The following TDRD12 variants were observed in gnomAD, a reference collection of about 807,000 sequenced individuals.
The protein encoded by TDRD12 is putative ATP-dependent RNA helicase TDRD12.
TDRD12 carries 158 observed loss-of-function variants against 133.5 expected under a neutral mutation model. That is an observed-to-expected ratio of 1.18 (90% CI 1.04 to 1.35). The LOEUF (loss-of-function observed/expected upper bound fraction) is 1.35, where lower values mean the gene tolerates loss of function less well. Among genes scored for constraint, TDRD12 ranks in the 40% most tolerant of loss-of-function variants. TDRD12 has a pLI of 0.00. For synonymous variants in TDRD12, 460 were observed against 477.9 expected, an observed-to-expected ratio of 0.96 and a Z score of 0.49; for missense variants, 1,443 against 1,321.3, an observed-to-expected ratio of 1.09 and a Z score of -1.43.
At position 32,807,267 on chromosome 19, in the gene TDRD12, TAAA is replaced by T. The variant is rs59421213; in HGVS notation, c.2553-255_2553-253del. Among the ~76,000 whole-genome samples the T allele has an allele frequency of 2.5e-4, 12 of 47,202 alleles. No homozygotes were observed. In the South Asian group the frequency reaches 0.012, roughly 48 times the overall value. The allele number at this position is 47,202 out of a possible 152,430, so 31.0% of individuals were successfully genotyped here. ...GGGCAACAGAGTGAGACCAAACTCT[TAAA>T]AAAAAAAAAAAAAAAAAAAAAAAAA... On this transcript the variant is annotated intron_variant, in intron 21 of 27. Transcript: ENST00000444215.
chr19:32,804,130 T>G (rs1210207163), intron 21 of TDRD12, among the ~76,000 whole-genome samples: 1 of 151,942 alleles, frequency 6.6e-6, no homozygotes, highest in Non-Finnish European at 1.5e-5. Context: ...TGGAGTGCAG[T>G]GGCGCCATCT....
chr19:32,771,485 C>T (rs922449097), intron 8 of TDRD12, among the ~76,000 whole-genome samples: 3 of 151,978 alleles, frequency 2.0e-5, no homozygotes, highest in Non-Finnish European at 2.9e-5. Context: ...ACTATTACTT[C>T]TTTTATTTCT....
intron 21 of TDRD12, among the ~76,000 whole-genome samples, chr19:32,806,356 T>TTTTA (rs1555776564): frequency 1.1e-4 from 16 of 151,096 alleles, no homozygotes; most frequent in South Asian, 4.2e-4. Context: ...TTTTTTTTTT[T>TTTTA]AAGACAGTCT....
Position 32,757,846 on chromosome 19 carries a change from C to A in TDRD12, c.865+716C>A, listed in dbSNP as rs373017079. ...TGTGGGTGTAATATTTCATGTGTAT[C>A]CATAGTAAACCACAACTACATTAAA... On this transcript the variant is annotated intron_variant, in intron 8 of 27. Coordinates refer to ENST00000444215, the Ensembl canonical transcript of TDRD12. Among the ~76,000 whole-genome samples, 94 of 152,276 alleles carry A rather than the reference C, an allele frequency of 6.2e-4. 2 individuals carry two copies. In the South Asian group the frequency reaches 0.013, roughly 21 times the overall value.
intron 11 of TDRD12, among the ~76,000 whole-genome samples, chr19:32,782,103 G>T (rs965786282): frequency 6.6e-6 from 1 of 151,810 alleles, no homozygotes; most frequent in African/African-American, 2.4e-5. Flanking sequence ...TTCTCCTATT[G>T]TTATCCCTCC....
intron 16 of TDRD12, among the ~76,000 whole-genome samples, chr19:32,799,623 T>C (rs903836453): frequency 2.2e-4 from 33 of 152,152 alleles, no homozygotes; most frequent in African/African-American, 7.7e-4. Context: ...TTGTTTGTTA[T>C]ACATATTTAC....
intron 11 of TDRD12, among the ~76,000 whole-genome samples, chr19:32,778,213 C>T (rs1248158867): frequency 2.0e-5 from 3 of 151,870 alleles, no homozygotes; most frequent in Admixed American, 6.6e-5. Context: ...TTCCCAGAGG[C>T]CATGCTGATG....
At chr19:32,764,003 T>C (rs1184364076) in intron 8 of TDRD12, among the ~76,000 whole-genome samples, 2 of 152,062 alleles carry the variant, frequency 1.3e-5, no homozygotes, top group Non-Finnish European at 2.9e-5. Flanking sequence ...GCTTTTTACA[T>C]GCTCGACTGG....
At chr19:32,829,454 G>A (rs1053360889), downstream of TDRD12, 2 of 152,202 alleles carry the variant, frequency 1.3e-5, no homozygotes, top group African/African-American at 2.4e-5. Context: ...TCAAGTTTTG[G>A]TCAAATATCT....
At chr19:32,809,982 T>C (rs1599616882) in intron 22 of TDRD12, 111 bp from the exon 23 acceptor site, 2 of 647,670 alleles carry the variant, frequency 3.1e-6, no homozygotes, top group Non-Finnish European at 2.3e-6. Flanking sequence ...TCCACGTTGC[T>C]AAGCTTTGGT....
intron 4 of TDRD12, 42 bp downstream of exon 4, chr19:32,742,942 C>T (rs1969477911): frequency 6.5e-7 from 1 of 1,547,236 alleles, no homozygotes; most frequent in Non-Finnish European, 8.7e-7. Flanking sequence ...TTAGTAAAAG[C>T]CTTCTATCAA....
rs1019723151 is a variant in TDRD12, at chr19:32,790,828, C to CT, written c.1183-127dup. ...TTGGTAGTTTGGTGGTTTTTTTTTT[C>CT]TTTTTTTTTAAGTAAGCATATATAC... On this transcript the variant is annotated intron_variant, in intron 12 of 27. Coordinates refer to ENST00000444215, the Ensembl canonical transcript of TDRD12. The CT allele has an allele frequency of 1.6e-3, 2,141 of 1,360,178 alleles. 11 individuals carry two copies. The African/African-American group carries it at 0.019, about 12-fold the overall frequency. 84.3% of individuals were successfully genotyped at this position (1,360,178 alleles called of 1,614,324 possible).
At chr19:32,721,173 C>T (rs1318655692) in intron 1 of TDRD12, among the ~76,000 whole-genome samples, 4 of 152,090 alleles carry the variant, frequency 2.6e-5, no homozygotes, top group African/African-American at 7.2e-5. Flanking sequence ...AAGGGACGCC[C>T]GCCTGGACCC....
At chr19:32,795,016 TG>T (rs1408976795) in intron 14 of TDRD12, among the ~76,000 whole-genome samples, 1 of 152,152 alleles carries the variant, frequency 6.6e-6, no homozygotes, top group Non-Finnish European at 1.5e-5. Flanking sequence ...CCTATAGTTG[TG>T]GGCCATTGGC....
chr19:32,822,850 A>T (rs558105835), downstream of TDRD12, among the ~76,000 whole-genome samples: 1 of 152,238 alleles, frequency 6.6e-6, no homozygotes, highest in African/African-American at 2.4e-5. Flanking sequence ...CCGTCACTGG[A>T]ATTTATCTTC....
At chr19:32,805,798 C>G (rs1428191238) in intron 21 of TDRD12, among the ~76,000 whole-genome samples, 1 of 136,210 alleles carries the variant, frequency 7.3e-6, no homozygotes, top group African/African-American at 2.8e-5. Flanking sequence ...GTGGCATGAT[C>G]TCGGCTCACT....
intron 13 of TDRD12, among the ~76,000 whole-genome samples, chr19:32,791,801 CT>C (rs1262209333): frequency 1.3e-5 from 2 of 152,052 alleles, no homozygotes; most frequent in African/African-American, 4.8e-5. Flanking sequence ...TGAACAGGGC[CT>C]GCTTGCCTCC....
At chr19:32,719,808 G>A (rs774524659) in exon 1 of TDRD12, 8 of 563,904 alleles carry the variant, frequency 1.4e-5, no homozygotes, top group South Asian at 1.4e-4. Flanking sequence ...CGGGAGGCCC[G>A]AGGCCAGGCA....
At chr19:32,749,748 C>A in intron 5 of TDRD12, 36 bp from the exon 6 acceptor site, 2 of 1,417,908 alleles carry the variant, frequency 1.4e-6, no homozygotes, top group Non-Finnish European at 1.9e-6. Context: ...ATACTTTTAA[C>A]ATCAGCTGAT....
Sources: allele counts gnomAD v4.1 joint callset (sites outside exome capture counted in the v4.1 genomes callset), GRCh38; gene constraint gnomAD v4.1.1; transcripts MANE v1.5; gene names NCBI Gene and HGNC (gene_info 2026-07-23, HGNC 2026-07-21).